The following JMJD7 variants were observed in gnomAD, a reference collection of about 807,000 sequenced individuals.
JMJD7 encodes the protein bifunctional peptidase and (3S)-lysyl hydroxylase JMJD7.
Under a neutral mutation model 41.1 loss-of-function variants are expected in JMJD7, and 41 were observed. The observed-to-expected ratio is 1.00, with a 90% CI of 0.78 to 1.30. JMJD7 has a LOEUF of 1.30. Ranked by LOEUF, JMJD7 falls within the 50% of genes most tolerant of loss-of-function variation. JMJD7 has a pLI of 0.00. For synonymous variants in JMJD7, 202 were observed against 177.2 expected (o/e 1.14, Z -1.11); for missense variants, 480 against 420.7 (o/e 1.14, Z -1.23).
intron 1 of JMJD7, among the ~76,000 whole-genome samples, chr15:41,833,205 A>G (rs1222103093): frequency 3.3e-5 from 5 of 152,076 alleles, no homozygotes; most frequent in African/African-American, 4.8e-5. Context: ...CACTACTGCA[A>G]CCATCCAGCC....
intron 1 of JMJD7, chr15:41,832,480 T>C (rs1007541632): frequency 6.5e-6 from 1 of 152,972 alleles, no homozygotes; most frequent in Admixed American, 6.5e-5. Flanking sequence ...AACAGGAAGA[T>C]GTACTGAGCC....
intron 3 of JMJD7, 151 bp from the exon 4 acceptor site, chr15:41,835,437 C>G (rs2065297887): frequency 7.5e-7 from 1 of 1,331,942 alleles, no homozygotes; most frequent in Non-Finnish European, 1.0e-6. Context: ...GGGAGGACCC[C>G]TTCCCCAAGA....
chr15:41,833,414 A>ATATATATTTTTTTTT (rs1239528383), intron 1 of JMJD7, among the ~76,000 whole-genome samples: 16 of 32,010 alleles, frequency 5.0e-4, no homozygotes, highest in African/African-American at 1.2e-3. Context: ...ATATATATAT[A>ATATATATTTTTTTTT]TTTTTTTTTT....
chr15:41,828,471 T>C (rs909149861), intron 1 of JMJD7: 1 of 345,404 alleles, frequency 2.9e-6, no homozygotes, highest in African/African-American at 2.1e-5. Flanking sequence ...GTTACCCTTG[T>C]TGAAAGCTCA....
rs563433807 is a variant in JMJD7, at chr15:41,832,365, C to G, written c.65-2375C>G. 4 of 184,854 alleles carry G rather than the reference C, an allele frequency of 2.2e-5. No homozygotes were observed. In the South Asian group the frequency reaches 4.5e-4, roughly 21 times the overall value. The allele number at this position is 184,854 out of a possible 1,614,324, so 11.5% of individuals were successfully genotyped here. On this transcript the variant is annotated intron_variant, in intron 1 of 7. Coordinates refer to ENST00000397299, the MANE Select transcript of JMJD7 (RefSeq NM_001114632.2). ...GGTTTCCAGCTGGTAAAGCAACACC[C>G]CAAAGATCCCGTGACAGTTTATGGC...
intron 1 of JMJD7, among the ~76,000 whole-genome samples, chr15:41,833,543 C>T (rs2140878007): frequency 6.6e-6 from 1 of 150,448 alleles, no homozygotes; most frequent in East Asian, 2.0e-4. Context: ...GCTTCAGCCT[C>T]TAGCGTAGCT....
chr15:41,837,252 C>G lies in JMJD7; in HGVS notation c.*96C>G, dbSNP rs547187408. ...CTCGAGAGAGCCTGGAGTGTGCATG[C>G]TGGCTGCTGGCCCCGGGTCCAGCAT... On this transcript the variant is annotated 3_prime_UTR_variant, in exon 8 of 8. Transcript: ENST00000397299. The G allele has an allele frequency of 3.7e-5, 30 of 800,318 alleles. 1 individual carries two copies. The highest frequency in any genetic ancestry group is 3.5e-4 in the South Asian group (22 of 61,986). The allele number at this position is 800,318 out of a possible 1,614,324, so 49.6% of individuals were successfully genotyped here. A position where few individuals can be genotyped will look rare whatever the true frequency, so the allele number is the denominator to read the frequency against.
intron 1 of JMJD7, among the ~76,000 whole-genome samples, chr15:41,828,864 C>G (rs1244815147): frequency 6.6e-6 from 1 of 152,218 alleles, no homozygotes; most frequent in Admixed American, 6.5e-5. Flanking sequence ...ACACACTCTT[C>G]TGCACCGTGT....
At position 41,835,104 on chromosome 15, in the gene JMJD7, G is replaced by GCCGGGCCCAGCACCCTGGAGTC. The variant is rs2065291059; in HGVS notation, c.355_376dup (p.Leu126ProfsTer27). ...AGCTTCGTGCTGGATGTGCTGGAGG[G>GCCGGGCCCAGCACCCTGGAGTC]CCGGGCCCAGCACCCTGGAGTCCTC... On this transcript the variant is annotated frameshift_variant, in exon 3 of 8. Transcript: ENST00000397299. LOFTEE classifies it high-confidence loss of function. 2 of 1,612,738 alleles carry GCCGGGCCCAGCACCCTGGAGTC rather than the reference G, an allele frequency of 1.2e-6. No homozygotes were observed. The highest frequency in any genetic ancestry group is 1.7e-5 in the Admixed American group (1 of 60,006).
intron 1 of JMJD7, chr15:41,828,416 G>C (rs968355731): frequency 2.2e-6 from 1 of 464,220 alleles, no homozygotes; most frequent in Admixed American, 4.4e-5. Context: ...CTTGACCGTG[G>C]TCGCGGCGAA....
In JMJD7 at chr15:41,837,515, A is replaced by G. The variant is rs1281637555; in HGVS notation, c.*359A>G. On this transcript the variant is annotated 3_prime_UTR_variant, in exon 8 of 8. Coordinates refer to ENST00000397299, the MANE Select transcript of JMJD7 (RefSeq NM_001114632.2). ...CCTCGCGGGGCTGTTGTGGGCTTGG[A>G]GATGATGTCTATGAGGACCAGCATG... 2 of 280,100 alleles carry G rather than the reference A, an allele frequency of 7.1e-6. No individual in the cohort carries two copies. Among genetic ancestry groups the G allele is most frequent in the East Asian group, 1.6e-4 (2 of 12,848 alleles). 17.4% of individuals were successfully genotyped at this position (280,100 alleles called of 1,614,324 possible).
chr15:41,835,409 T>G (rs2065297104), intron 3 of JMJD7, among the ~76,000 whole-genome samples, 179 bp from the exon 4 acceptor site: 1 of 152,212 alleles, frequency 6.6e-6, no homozygotes, highest in Non-Finnish European at 1.5e-5. Context: ...ATTGTTGTCC[T>G]TCCTTCTGCC....
intron 1 of JMJD7, among the ~76,000 whole-genome samples, chr15:41,830,934 T>C (rs11637616): frequency 0.14 from 21,087 of 152,162 alleles, 2,024 homozygotes; most frequent in Non-Finnish European, 0.2. Context: ...ACAAACAGCT[T>C]GGGTGCCGTG....
Position 41,835,358 on chromosome 15 carries a change from C to T in JMJD7, c.472+135C>T. 2.9e-6 allele frequency: 4 copies of T among 1,372,114 alleles called. No homozygotes were observed. In the South Asian group the frequency reaches 4.4e-5, roughly 15 times the overall value. 85.0% of individuals were successfully genotyped at this position (1,372,114 alleles called of 1,614,324 possible). A position where few individuals can be genotyped will look rare whatever the true frequency, so the allele number is the denominator to read the frequency against. On this transcript the variant is annotated intron_variant, in intron 3 of 7. Transcript: ENST00000397299. ...AGCATCTGGTGCAGCTCACTAAATA[C>T]ATTCCCAGGCCTTGACTTAATCATA...
At chr15:41,834,632 C>T in intron 1 of JMJD7, 108 bp from the exon 2 acceptor site, 7 of 1,493,482 alleles carry the variant, frequency 4.7e-6, no homozygotes, top group Non-Finnish European at 6.3e-6. Flanking sequence ...CACCAACGAG[C>T]ATTTCCCAGT....
chr15:41,835,303 G>A, intron 3 of JMJD7, 80 bp downstream of exon 3: 4 of 1,517,296 alleles, frequency 2.6e-6, no homozygotes, highest in Non-Finnish European at 3.5e-6. Flanking sequence ...GCCCTTAGGT[G>A]ATGACCTGGC....
intron 4 of JMJD7, 153 bp from the exon 5 acceptor site, chr15:41,835,995 C>T: frequency 1.3e-6 from 1 of 766,760 alleles, no homozygotes; most frequent in South Asian, 2.2e-5. Context: ...GAATGCCCAT[C>T]AGAGCCCCTG....
intron 1 of JMJD7, among the ~76,000 whole-genome samples, chr15:41,834,171 A>T (rs2065274667): frequency 6.6e-6 from 1 of 152,192 alleles, no homozygotes; most frequent in Non-Finnish European, 1.5e-5. Context: ...CATTGGTGTC[A>T]TCTGGTAGTT....
At chr15:41,836,393 C>G in intron 5 of JMJD7, 82 bp from the exon 6 acceptor site, 1 of 1,554,426 alleles carries the variant, frequency 6.4e-7, no homozygotes, top group Non-Finnish European at 8.7e-7. Flanking sequence ...TGCCCCTGCC[C>G]AGGGCTGGCT....
Sources: gnomAD v4.1 joint callset for allele counts (sites outside exome capture counted in the v4.1 genomes callset) on GRCh38, gnomAD v4.1.1 for gene constraint, MANE v1.5 for transcripts, NCBI Gene and HGNC (gene_info 2026-07-23, HGNC 2026-07-21) for gene names.